The following TTC33 variants were observed in gnomAD, a reference collection of about 807,000 sequenced individuals.
TTC33 encodes tetratricopeptide repeat domain 33.
TTC33 carries 24 observed loss-of-function variants against 29.4 expected under a neutral mutation model. The observed-to-expected ratio is 0.82, with a 90% CI of 0.59 to 1.15. The LOEUF is 1.15. Among genes scored for constraint, TTC33 ranks in the 50% most tolerant of loss-of-function variants. The probability of loss-of-function intolerance (pLI) is 0.00; values close to 1 mark genes in which losing one functional copy is unlikely to be tolerated. For synonymous variants in TTC33, 107 were observed against 100.3 expected (o/e 1.07, Z -0.40); for missense variants, 286 against 310.4 (o/e 0.92, Z 0.59).
At chr5:40,751,876 G>A (rs1218212246) in intron 1 of TTC33, among the ~76,000 whole-genome samples, 3 of 151,164 alleles carry the variant, frequency 2.0e-5, no homozygotes, top group Non-Finnish European at 4.4e-5. Flanking sequence ...AGAATCGCTT[G>A]AACCCAGGAG....
rs774718470 is a variant in TTC33, at chr5:40,716,120, T to C, written c.*25A>G. On this transcript the variant is annotated 3_prime_UTR_variant, in exon 5 of 5. Transcript: ENST00000337702. ...TTCAAGAGGCAATCAAAAAGACAGA[T>C]TCAAATAATCCTATGCATACTGCTT... The C allele has an allele frequency of 7.8e-6, 12 of 1,530,856 alleles. No homozygotes were observed. In the South Asian group the frequency reaches 1.6e-4, roughly 20 times the overall value. The allele number at this position is 1,530,856 out of a possible 1,614,324, so 94.8% of individuals were successfully genotyped here.
chr5:40,725,278 T>A (rs184951750), intron 4 of TTC33, among the ~76,000 whole-genome samples: 1 of 151,858 alleles, frequency 6.6e-6, no homozygotes, highest in Non-Finnish European at 1.5e-5. Context: ...TGAGCCAGGA[T>A]GCCCAGCCCC....
chr5:40,721,387 G>A (rs1056466033), intron 4 of TTC33, among the ~76,000 whole-genome samples: 4 of 152,210 alleles, frequency 2.6e-5, no homozygotes, highest in Non-Finnish European at 2.9e-5. Context: ...AAAACAATAC[G>A]ATTCTGGCAT....
At chr5:40,718,564 A>G (rs377141057) in intron 4 of TTC33, among the ~76,000 whole-genome samples, 4 of 152,126 alleles carry the variant, frequency 2.6e-5, no homozygotes, top group African/African-American at 9.6e-5. Context: ...AAATGGTGAA[A>G]CCCTGTCTCT....
chr5:40,752,401 T>C (rs1467039581), intron 1 of TTC33, among the ~76,000 whole-genome samples: 1 of 152,264 alleles, frequency 6.6e-6, no homozygotes, highest in African/African-American at 2.4e-5. Flanking sequence ...CAGCCTGTAT[T>C]GGCTTTCAAC....
chr5:40,738,877 C>G (rs1462390179), intron 2 of TTC33, among the ~76,000 whole-genome samples: 2 of 151,990 alleles, frequency 1.3e-5, no homozygotes, highest in African/African-American at 4.8e-5. Flanking sequence ...AACTTTTTAC[C>G]CATTCTTTAC....
chr5:40,717,960 G>T (rs1055127794), intron 4 of TTC33, among the ~76,000 whole-genome samples: 1 of 152,072 alleles, frequency 6.6e-6, no homozygotes, highest in Non-Finnish European at 1.5e-5. Flanking sequence ...TACTCGTGAG[G>T]CTGAGGCAGG....
At chr5:40,727,067 T>C (rs149936870) in intron 4 of TTC33, among the ~76,000 whole-genome samples, 5 of 152,310 alleles carry the variant, frequency 3.3e-5, no homozygotes. Flanking sequence ...TATTTTCTCA[T>C]ACAAATTCCT....
chr5:40,743,000 T>C (rs1258265596), intron 2 of TTC33, among the ~76,000 whole-genome samples: 2 of 152,180 alleles, frequency 1.3e-5, no homozygotes, highest in Non-Finnish European at 2.9e-5. Context: ...CTGAAGACAC[T>C]ATACAAGTTA....
chr5:40,748,960 T>C (rs549820584), intron 1 of TTC33, among the ~76,000 whole-genome samples: 92 of 152,226 alleles, frequency 6.0e-4, no homozygotes, highest in African/African-American at 2.1e-3. Flanking sequence ...ACCCCATCTC[T>C]ACTAAAAATA....
chr5:40,746,163 A>T (rs1005603578), intron 2 of TTC33, among the ~76,000 whole-genome samples: 4 of 152,152 alleles, frequency 2.6e-5, no homozygotes, highest in African/African-American at 9.7e-5. Flanking sequence ...ATGAAAAATG[A>T]TTTTTGGTCC....
At chr5:40,749,828 G>T (rs1579693620) in intron 1 of TTC33, among the ~76,000 whole-genome samples, 1 of 152,166 alleles carries the variant, frequency 6.6e-6, no homozygotes, top group South Asian at 2.1e-4. Flanking sequence ...AGTGGCTCAC[G>T]CCTGTAATCC....
rs1298948424 is a variant in TTC33, at chr5:40,755,901, G to A, written c.-79C>T. 1 of 152,396 alleles carries A rather than the reference G, an allele frequency of 6.6e-6. No homozygotes were observed. The highest frequency in any genetic ancestry group is 6.5e-5 in the Admixed American group (1 of 15,288). The allele number at this position is 152,396 out of a possible 1,614,324, so 9.4% of individuals were successfully genotyped here. The stretch of plus-strand genomic sequence containing the variant: ...GGCGTTCGAACAGTCCACAGAAGCG[G>A]GCAAAGGAAAGACGACTCAGTCTTT... On this transcript the variant is annotated 5_prime_UTR_variant, in exon 1 of 5. Transcript: ENST00000337702.
chr5:40,753,755 G>C (rs1304901059), intron 1 of TTC33, among the ~76,000 whole-genome samples: 1 of 152,180 alleles, frequency 6.6e-6, no homozygotes, highest in Admixed American at 6.5e-5. Context: ...ATGGTAACAA[G>C]AATGATGACC....
At chr5:40,748,260 G>A (rs1395135981) in intron 1 of TTC33, among the ~76,000 whole-genome samples, 1 of 151,554 alleles carries the variant, frequency 6.6e-6, no homozygotes, top group East Asian at 1.9e-4. Context: ...GCAATGGCAC[G>A]ACCTCGGCTC....
At chr5:40,750,289 G>A (rs1468398780) in intron 1 of TTC33, among the ~76,000 whole-genome samples, 3 of 152,108 alleles carry the variant, frequency 2.0e-5, no homozygotes, top group Admixed American at 1.3e-4. Context: ...GACAACAGCG[G>A]TCAGGCATGT....
chr5:40,747,097 T>A (rs1742804119), intron 1 of TTC33, 78 bp from the exon 2 acceptor site: 4 of 1,322,314 alleles, frequency 3.0e-6, no homozygotes, highest in Admixed American at 4.5e-5. Context: ...TCACTCTCGT[T>A]GCCCAGGCTG....
intron 2 of TTC33, among the ~76,000 whole-genome samples, chr5:40,738,130 G>A (rs1214976679): frequency 6.6e-6 from 1 of 152,130 alleles, no homozygotes; most frequent in East Asian, 1.9e-4. Context: ...ATGTGAAACA[G>A]GCCAGGCACA....
intron 4 of TTC33, among the ~76,000 whole-genome samples, chr5:40,718,380 T>C (rs1005122189): frequency 1.3e-5 from 2 of 151,838 alleles, no homozygotes; most frequent in Non-Finnish European, 2.9e-5. Flanking sequence ...CACTCCAGCC[T>C]GGATGAGAGA....
Sources: allele counts gnomAD v4.1 joint callset (sites outside exome capture counted in the v4.1 genomes callset), GRCh38; gene constraint gnomAD v4.1.1; transcripts MANE v1.5; gene names NCBI Gene and HGNC (gene_info 2026-07-23, HGNC 2026-07-21).